Variants in NEURL3 observed in about 807,000 individuals in gnomAD.
The protein encoded by NEURL3 is neuralized E3 ubiquitin protein ligase 3.
NEURL3 carries 19 observed loss-of-function variants against 17.6 expected under a neutral mutation model. The observed-to-expected ratio is 1.08, with a 90% CI of 0.75 to 1.58. NEURL3 has a LOEUF of 1.58. NEURL3 is among the 40% of genes most tolerant of loss of function. The pLI, the probability that NEURL3 is intolerant of heterozygous loss-of-function variation, is 0.00. For synonymous variants in NEURL3, 180 were observed against 161.4 expected (o/e 1.11, Z -0.87); for missense variants, 342 against 379.6 (o/e 0.90, Z 0.82).
At position 96,498,211 on chromosome 2, in the gene NEURL3, C is replaced by T; in HGVS notation, c.*33G>A. 6.6e-7 allele frequency: 1 copy of T among 1,508,886 alleles called. No homozygotes were observed. The highest frequency in any genetic ancestry group is 8.9e-7 in the Non-Finnish European group (1 of 1,129,664). The allele number at this position is 1,508,886 out of a possible 1,614,324, so 93.5% of individuals were successfully genotyped here. The stretch of plus-strand genomic sequence containing the variant: ...TGCAGGGGCCAGACTCAGATCTAGG[C>T]CCGGGCTGCCACTCATACTGGGAAG... On this transcript the variant is annotated 3_prime_UTR_variant, in exon 4 of 4. Transcript: ENST00000451794. This position sits in a 1 kb window ranked among gnomAD's most constrained non-coding sequence, Gnocchi z 4.4.
At chr2:96,505,912 C>G (rs971785330), upstream of NEURL3, among the ~76,000 whole-genome samples, 1 of 152,232 alleles carries the variant, frequency 6.6e-6, no homozygotes, top group Non-Finnish European at 1.5e-5. Context: ...TCCAGCCTTT[C>G]TCACTGGAAT....
Position 96,500,844 on chromosome 2 carries a change from T to G in NEURL3, c.109A>C (p.Ile37Leu). Residue 37 changes from isoleucine to leucine, a missense_variant, in exon 2 of 4, where the codon ATC becomes CTC. Ile to Leu is a conservative substitution (Grantham distance 5). Coordinates refer to ENST00000451794, the MANE Select transcript of NEURL3 (RefSeq NM_001285485.2). ...TGGAACGTGGTGCGCCTGTGCGCGA[T>G]GCAGCCACGCGTGTCCAGACGCACC... is the stretch of plus-strand genomic sequence containing the variant. ...AQVRLDTRGCIAHRRTTFHDG... is the reference protein window; with the variant it reads ...AQVRLDTRGCLAHRRTTFHDG... The G allele has an allele frequency of 6.5e-7, 1 of 1,532,842 alleles. No individual in the cohort carries two copies. 95.0% of individuals were successfully genotyped at this position (1,532,842 alleles called of 1,614,324 possible).
Position 96,498,922 on chromosome 2 carries a change from C to A in NEURL3, c.586+456G>T, listed in dbSNP as rs2065470582. On this transcript the variant is annotated intron_variant, in intron 3 of 3. Coordinates refer to ENST00000451794, the MANE Select transcript of NEURL3 (RefSeq NM_001285485.2). The surrounding 1 kb of genome is among the most constrained non-coding windows in gnomAD (Gnocchi z 4.4). ...CCTCCCGAGTAGCTGGGGCCACAGACATGCACCACCACACTCAGCTAATTT... is the reference window on the plus strand; with the variant it reads ...CCTCCCGAGTAGCTGGGGCCACAGAAATGCACCACCACACTCAGCTAATTT... Among the ~76,000 whole-genome samples, 1 of 152,186 alleles carries A rather than the reference C, an allele frequency of 6.6e-6. No homozygotes were observed. Among genetic ancestry groups the A allele is most frequent in the Admixed American group, 6.5e-5 (1 of 15,280 alleles).
Position 96,500,856 on chromosome 2 carries a change from T to G in NEURL3, c.97A>C (p.Thr33Pro). 6.5e-7 allele frequency: 1 copy of G among 1,534,810 alleles called. No individual in the cohort carries two copies. Among genetic ancestry groups the G allele is most frequent in the South Asian group, 1.2e-5 (1 of 84,072 alleles). Residue 33 changes from threonine to proline, a missense_variant, in exon 2 of 4, where the codon ACG (threonine) becomes CCG (proline). Transcript: ENST00000451794. ...CGCCTGTGCGCGATGCAGCCACGCG[T>G]GTCCAGACGCACCTGTGCGCCCTTG... ...EAKGAQVRLD[T>P]RGCIAHRRTT...
At chr2:96,502,926 G>T (rs1049936536) in intron 1 of NEURL3, among the ~76,000 whole-genome samples, 1 of 152,278 alleles carries the variant, frequency 6.6e-6, no homozygotes, top group African/African-American at 2.4e-5. Flanking sequence ...CCCCTACAGA[G>T]AAAGGGGAAC....
Position 96,500,923 on chromosome 2 carries a change from G to C in NEURL3, c.30C>G (p.Asn10Lys). 6.4e-7 allele frequency: 1 copy of C among 1,558,896 alleles called. No homozygotes were observed. The change falls in exon 2 of 4, where the codon AAC becomes AAG. Residue 10 changes from asparagine (N) to lysine (K), a missense_variant and splice_region_variant. Coordinates refer to ENST00000451794, the MANE Select transcript of NEURL3 (RefSeq NM_001285485.2). MGAQLCFEANAKAPREALRF... is the reference protein window; with the variant it reads MGAQLCFEAKAKAPREALRF... Reference sequence around the variant, plus strand: ...GAAGTGCCTCTCGGGGCGCCTTGGCGTCTGTGGGTTGAGGATGGGGAGTGT... The same window carrying C: ...GAAGTGCCTCTCGGGGCGCCTTGGCCTCTGTGGGTTGAGGATGGGGAGTGT...
chr2:96,505,617 G>A (rs1318480600), upstream of NEURL3, among the ~76,000 whole-genome samples: 5 of 152,176 alleles, frequency 3.3e-5, no homozygotes, highest in South Asian at 4.1e-4. Context: ...AATGGTCCAA[G>A]CATGTTAATA....
chr2:96,498,433 C>T lies in NEURL3; in HGVS notation c.600G>A (p.Glu200=), dbSNP rs2065466647. 1 of 1,597,310 alleles carries T rather than the reference C, an allele frequency of 6.3e-7. No individual in the cohort carries two copies. Among genetic ancestry groups the T allele is most frequent in the Non-Finnish European group, 8.5e-7 (1 of 1,178,090 alleles). Reference sequence around the variant, plus strand: ...CGTGATAGAAGCAGATGGCACACTCCTCTCCTGGTGTGGCTGGAAGAGGGA... The same window carrying T: ...CGTGATAGAAGCAGATGGCACACTCTTCTCCTGGTGTGGCTGGAAGAGGGA... The part of the protein sequence containing the change: ...AVPEPKATPG[E]ECAICFYHAA... Residue 200 remains glutamate (E), a synonymous_variant, in exon 4 of 4, where the codon GAG becomes GAA. Coordinates refer to ENST00000451794, the MANE Select transcript of NEURL3 (RefSeq NM_001285485.2). This position sits in a 1 kb window ranked among gnomAD's most constrained non-coding sequence, Gnocchi z 4.4.
At chr2:96,503,690 C>T (rs1483086099) in intron 1 of NEURL3, among the ~76,000 whole-genome samples, 1 of 152,178 alleles carries the variant, frequency 6.6e-6, no homozygotes, top group East Asian at 1.9e-4. Flanking sequence ...GGAGCAGGGT[C>T]GGGGTGGCCT....
chr2:96,499,079 A>G, intron 3 of NEURL3: 1 of 909,680 alleles, frequency 1.1e-6, no homozygotes, highest in Non-Finnish European at 1.5e-6. Flanking sequence ...CACCCCACCT[A>G]TCCTTTCATC....
At position 96,500,734 on chromosome 2, in the gene NEURL3, G is replaced by A. The variant is rs1338678423; in HGVS notation, c.219C>T (p.Cys73=). The A allele has an allele frequency of 2.6e-5, 39 of 1,517,846 alleles. No homozygotes were observed. The East Asian group carries it at 9.0e-4, about 35-fold the overall frequency. 94.0% of individuals were successfully genotyped at this position (1,517,846 alleles called of 1,614,324 possible). The change falls in exon 2 of 4, where the codon TGC becomes TGT. Residue 73 remains cysteine, a synonymous_variant. Coordinates refer to ENST00000451794, the MANE Select transcript of NEURL3 (RefSeq NM_001285485.2). Reference sequence around the variant, plus strand: ...GCGTGAAGCCCACGCGGAGGCCGCCGCACCAGCCGCTCTCCTCCCGCAGCA... The same window carrying A: ...GCGTGAAGCCCACGCGGAGGCCGCCACACCAGCCGCTCTCCTCCCGCAGCA... The part of the protein sequence containing the change: ...LRVLREESGW[C]GGLRVGFTRL...
chr2:96,501,959 C>T (rs1245692705), intron 1 of NEURL3, among the ~76,000 whole-genome samples: 1 of 152,202 alleles, frequency 6.6e-6, no homozygotes, highest in African/African-American at 2.4e-5. Context: ...AAGGCAGGCA[C>T]TCTGACTACA....
At chr2:96,507,271 A>G (rs1163822305), upstream of NEURL3, among the ~76,000 whole-genome samples, 2 of 152,090 alleles carry the variant, frequency 1.3e-5, no homozygotes, top group Non-Finnish European at 2.9e-5. Context: ...ATAAAAATAC[A>G]TGTCCCCATT....
chr2:96,499,037 C>T, intron 3 of NEURL3: 2 of 298,452 alleles, frequency 6.7e-6, no homozygotes, highest in Non-Finnish European at 9.9e-6. Flanking sequence ...CTCGGCCTCC[C>T]AAAGTATAGG....
At chr2:96,503,456 C>G (rs2065529955) in intron 1 of NEURL3, among the ~76,000 whole-genome samples, 1 of 152,170 alleles carries the variant, frequency 6.6e-6, no homozygotes, top group South Asian at 2.1e-4. Context: ...GGCTCCACCC[C>G]CTACCTCGGG....
chr2:96,502,742 G>A (rs1021391631), intron 1 of NEURL3, among the ~76,000 whole-genome samples: 2 of 152,230 alleles, frequency 1.3e-5, no homozygotes, highest in Non-Finnish European at 1.5e-5. Flanking sequence ...GGCCCTGGAC[G>A]AGGGGCGGTG....
chr2:96,500,738 C>T lies in NEURL3; in HGVS notation c.215G>A (p.Trp72Ter). Residue 72 changes from tryptophan (W) to a stop codon, truncating the protein, a stop_gained, in exon 2 of 4, where the codon TGG becomes TAG. Transcript: ENST00000451794. LOFTEE classifies it high-confidence loss of function. ...GAAGCCCACGCGGAGGCCGCCGCAC[C>T]AGCCGCTCTCCTCCCGCAGCACTCG... Reference protein sequence around the residue: ...ALRVLREESGWCGGLRVGFTR... With the variant: ...ALRVLREESG 6.6e-7 allele frequency: 1 copy of T among 1,520,046 alleles called. No homozygotes were observed. The highest frequency in any genetic ancestry group is 2.0e-5 in the Admixed American group (1 of 49,322). 94.2% of individuals were successfully genotyped at this position (1,520,046 alleles called of 1,614,324 possible). A position where few individuals can be genotyped will look rare whatever the true frequency, so the allele number is the denominator to read the frequency against.
chr2:96,498,382 G>A lies in NEURL3; in HGVS notation c.651C>T (p.Cys217=), dbSNP rs572594097. 2.9e-5 allele frequency: 47 copies of A among 1,599,392 alleles called. No homozygotes were observed. Among genetic ancestry groups the A allele is most frequent in the South Asian group, 2.4e-4 (22 of 91,048 alleles). The change falls in exon 4 of 4, where the codon TGC becomes TGT. Residue 217 remains cysteine (C), a synonymous_variant. Coordinates refer to ENST00000451794, the MANE Select transcript of NEURL3 (RefSeq NM_001285485.2). This position sits in a 1 kb window ranked among gnomAD's most constrained non-coding sequence, Gnocchi z 4.4. The stretch of plus-strand genomic sequence containing the variant: ...AGTATCTGCAGAAGTATGTGTGGCC[G>A]CAGGGCACAAGGCGGGTGTTGGCAG... ...YHAANTRLVP[C]GHTYFCRYCA... is the part of the protein sequence containing the mutation.
intron 1 of NEURL3, among the ~76,000 whole-genome samples, chr2:96,504,898 A>AAAAAAAAAAAAAAAAAAAAC (rs2065547711): frequency 7.1e-6 from 1 of 140,700 alleles, no homozygotes. Context: ...AAAAAAAAAA[A>AAAAAAAAAAAAAAAAAAAAC]AAGACCAGGT....
Sources: allele counts gnomAD v4.1 joint callset (sites outside exome capture counted in the v4.1 genomes callset), GRCh38; gene constraint gnomAD v4.1.1; non-coding constraint Gnocchi (gnomAD v3.1); transcripts MANE v1.5; gene names NCBI Gene and HGNC (gene_info 2026-07-23, HGNC 2026-07-21).